The following RANBP17 variants were observed in gnomAD, a reference collection of about 807,000 sequenced individuals.
RANBP17 encodes RAN binding protein 17.
Under a neutral mutation model 141.2 loss-of-function variants are expected in RANBP17, and 158 were observed. The observed-to-expected ratio is 1.12, with a 90% CI of 0.98 to 1.28. The LOEUF (loss-of-function observed/expected upper bound fraction) is 1.28, where lower values mean the gene tolerates loss of function less well. Among genes scored for constraint, RANBP17 ranks in the 50% most tolerant of loss-of-function variants. The probability of loss-of-function intolerance (pLI) is 0.00; values close to 1 mark genes in which losing one functional copy is unlikely to be tolerated. For synonymous variants in RANBP17, 430 were observed against 450.0 expected (o/e 0.96, Z 0.56); for missense variants, 1,438 against 1,290.7 (o/e 1.11, Z -1.75).
chr5:171,186,356 A>G (rs906000339), intron 18 of RANBP17, among the ~76,000 whole-genome samples: 18 of 151,708 alleles, frequency 1.2e-4, no homozygotes, highest in Admixed American at 2.6e-4. Flanking sequence ...TTCACCTTGC[A>G]CTCTTAGGTT....
intron 1 of RANBP17, among the ~76,000 whole-genome samples, chr5:170,868,521 C>A (rs1015334776): frequency 6.6e-6 from 1 of 152,186 alleles, no homozygotes; most frequent in African/African-American, 2.4e-5. Flanking sequence ...GTTCACCCAC[C>A]TTGGCCCCTC....
intron 14 of RANBP17, among the ~76,000 whole-genome samples, chr5:171,032,359 G>A (rs780091977): frequency 7.2e-5 from 11 of 152,056 alleles, no homozygotes; most frequent in Non-Finnish European, 1.2e-4. Flanking sequence ...TCAAGACAAC[G>A]CAGTTTAGTT....
At chr5:171,177,124 A>C (rs2127902881) in intron 16 of RANBP17, among the ~76,000 whole-genome samples, 1 of 152,294 alleles carries the variant, frequency 6.6e-6, no homozygotes, top group Admixed American at 6.5e-5. Flanking sequence ...TACTTCTATT[A>C]GCATTTTTTA....
In RANBP17 at chr5:171,152,312, C is replaced by T. The variant is rs144566307; in HGVS notation, c.1711-17818C>T. Among the ~76,000 whole-genome samples, 666 of 150,556 alleles carry T rather than the reference C, an allele frequency of 4.4e-3. 4 individuals are homozygous for T. Among genetic ancestry groups the T allele is most frequent in the African/African-American group, 0.015 (606 of 41,072 alleles). ...GCACATGCCTGCAATCCCAGCTACTCGGGAGGCTGAGGTAGAGAATCGCTT... is the reference window on the plus strand; with the variant it reads ...GCACATGCCTGCAATCCCAGCTACTTGGGAGGCTGAGGTAGAGAATCGCTT... On this transcript the variant is annotated intron_variant, in intron 14 of 27. Coordinates refer to ENST00000523189, the MANE Select transcript of RANBP17 (RefSeq NM_022897.5).
At chr5:171,295,838 C>G (rs775782213) in intron 26 of RANBP17, 49 bp from the exon 27 acceptor site, 1 of 1,597,260 alleles carries the variant, frequency 6.3e-7, no homozygotes, top group Non-Finnish European at 8.5e-7. Context: ...CAGCTGTCTT[C>G]AGGCGGGACT....
At chr5:171,114,727 G>A (rs1755489892) in intron 14 of RANBP17, among the ~76,000 whole-genome samples, 1 of 149,222 alleles carries the variant, frequency 6.7e-6, no homozygotes. Flanking sequence ...TAACAGAACT[G>A]TTTATTTCAT....
intron 14 of RANBP17, among the ~76,000 whole-genome samples, chr5:171,025,896 GTCT>G (rs1272586822): frequency 6.6e-6 from 1 of 152,008 alleles, no homozygotes; most frequent in Non-Finnish European, 1.5e-5. Context: ...CCTATCCTTA[GTCT>G]TAAGTGCACT....
chr5:171,013,885 T>G (rs1780247209), intron 14 of RANBP17, among the ~76,000 whole-genome samples: 1 of 152,138 alleles, frequency 6.6e-6, no homozygotes, highest in Non-Finnish European at 1.5e-5. Flanking sequence ...TTGAGGGTTT[T>G]TGTATTCTTC....
chr5:170,870,050 C>G (rs1767589466), intron 1 of RANBP17, among the ~76,000 whole-genome samples: 1 of 151,956 alleles, frequency 6.6e-6, no homozygotes, highest in Non-Finnish European at 1.5e-5. Flanking sequence ...GAATCTTAGG[C>G]CTAGATGAAT....
At chr5:171,089,377 A>G (rs1437200758) in intron 14 of RANBP17, among the ~76,000 whole-genome samples, 2 of 149,904 alleles carry the variant, frequency 1.3e-5, no homozygotes, top group Non-Finnish European at 3.0e-5. Flanking sequence ...TCAGACAGGG[A>G]CATTTAAGTT....
chr5:170,896,991 G>A, intron 5 of RANBP17: 1 of 1,084,776 alleles, frequency 9.2e-7, no homozygotes, highest in South Asian at 1.3e-5. Flanking sequence ...GCTGCTTCTG[G>A]GACCTGGCAC....
chr5:170,921,540 C>G (rs947702801), intron 11 of RANBP17, among the ~76,000 whole-genome samples: 10 of 152,092 alleles, frequency 6.6e-5, no homozygotes, highest in African/African-American at 2.4e-4. Flanking sequence ...CAGCTTTGTT[C>G]TTTTTGCTTA....
intron 12 of RANBP17, among the ~76,000 whole-genome samples, chr5:170,952,434 A>G (rs751413582): frequency 6.6e-6 from 1 of 152,044 alleles, no homozygotes; most frequent in Non-Finnish European, 1.5e-5. Context: ...TTGCCAGGTT[A>G]GATTTCTAAT....
rs1365426503 is a variant in RANBP17, at chr5:171,161,686, C to T, written c.1711-8444C>T. The stretch of plus-strand genomic sequence containing the variant: ...CTAATAAGCAGTATTAGCTGCAAAG[C>T]CTATATTTAATGTGGTTGCATAGTA... On this transcript the variant is annotated intron_variant, in intron 14 of 27. Transcript: ENST00000523189. 4.6e-5 allele frequency among the ~76,000 whole-genome samples: 7 copies of T among 152,108 alleles called. No individual in the cohort carries two copies. In the South Asian group the frequency reaches 8.3e-4, roughly 18 times the overall value.
chr5:171,157,756 A>G (rs1312643542), intron 14 of RANBP17, among the ~76,000 whole-genome samples: 1 of 152,236 alleles, frequency 6.6e-6, no homozygotes, highest in Non-Finnish European at 1.5e-5. Context: ...TCCATTAGCC[A>G]TAAGTTTTGT....
chr5:171,095,816 C>T (rs1322926384), intron 14 of RANBP17, among the ~76,000 whole-genome samples: 5 of 152,124 alleles, frequency 3.3e-5, no homozygotes, highest in Admixed American at 2.6e-4. Context: ...TCCCCAAAAA[C>T]TTACCTGCTA....
At chr5:171,286,193 T>C (rs1768160791) in intron 25 of RANBP17, among the ~76,000 whole-genome samples, 1 of 152,200 alleles carries the variant, frequency 6.6e-6, no homozygotes, top group Non-Finnish European at 1.5e-5. Context: ...AGTTGAGATG[T>C]GGAAGCATGC....
intron 25 of RANBP17, among the ~76,000 whole-genome samples, chr5:171,278,668 C>A (rs1767676697): frequency 6.6e-6 from 1 of 152,122 alleles, no homozygotes; most frequent in Non-Finnish European, 1.5e-5. Flanking sequence ...AAATGAGAGG[C>A]CAAGCAGCCC....
intron 7 of RANBP17, among the ~76,000 whole-genome samples, chr5:170,912,148 C>T (rs1402256150): frequency 6.6e-6 from 1 of 151,818 alleles, no homozygotes; most frequent in Non-Finnish European, 1.5e-5. Flanking sequence ...GAGACTACAA[C>T]AACAAAGGGG....
Sources: allele counts gnomAD v4.1 joint callset (sites outside exome capture counted in the v4.1 genomes callset), GRCh38; gene constraint gnomAD v4.1.1; transcripts MANE v1.5; gene names NCBI Gene and HGNC (gene_info 2026-07-23, HGNC 2026-07-21).